DNMT3A: variants seen among roughly 807,000 people sequenced by gnomAD.
DNMT3A encodes DNA (cytosine-5)-methyltransferase 3A.
DNMT3A carries 267 observed loss-of-function variants against 117.6 expected under a neutral mutation model. The observed-to-expected ratio is 2.27, with a 90% CI of 2.05 to 2.51. The LOEUF is 2.51. Among genes scored for constraint, DNMT3A ranks in the 30% most tolerant of loss-of-function variants. The probability of loss-of-function intolerance (pLI) is 0.00; values close to 1 mark genes in which losing one functional copy is unlikely to be tolerated. For missense variants in DNMT3A, 1,029 were observed against 1,260.2 expected (o/e 0.82, Z 2.78); for synonymous variants, 432 against 474.8 (o/e 0.91, Z 1.17).
intron 2 of DNMT3A, among the ~76,000 whole-genome samples, chr2:25,312,226 C>T (rs953685031): frequency 2.0e-5 from 3 of 152,214 alleles, no homozygotes; most frequent in Non-Finnish European, 2.9e-5. Context: ...GCACAGACAG[C>T]GGCAGGTGTC....
At chr2:25,300,278 T>A (rs1313779932) in intron 2 of DNMT3A, 35 bp from the exon 3 acceptor site, 1 of 1,597,020 alleles carries the variant, frequency 6.3e-7, no homozygotes, top group South Asian at 1.1e-5. Context: ...AGGCCAGAGG[T>A]GGATCCCAGC....
intron 1 of DNMT3A, among the ~76,000 whole-genome samples, chr2:25,319,582 A>G (rs1573491434): frequency 6.6e-6 from 1 of 152,180 alleles, no homozygotes; most frequent in East Asian, 1.9e-4. Context: ...AGGGGAAAAG[A>G]GGCCGCATGC....
intron 1 of DNMT3A, among the ~76,000 whole-genome samples, chr2:25,341,527 C>G (rs1000941514): frequency 1.1e-3 from 152 of 143,338 alleles, no homozygotes; most frequent in African/African-American, 3.6e-3. Flanking sequence ...AACTTGAGCC[C>G]GGAGCCGGGC....
At chr2:25,314,743 C>T (rs1039983588) in intron 1 of DNMT3A, 21 of 979,268 alleles carry the variant, frequency 2.1e-5, no homozygotes, top group African/African-American at 5.4e-5. Context: ...GGAGAGGCCA[C>T]GGCCACGGCC....
chr2:25,333,676 G>T (rs1477590104), intron 1 of DNMT3A, among the ~76,000 whole-genome samples: 1 of 152,210 alleles, frequency 6.6e-6, no homozygotes, highest in African/African-American at 2.4e-5. Context: ...GAGCAGCAGG[G>T]CTTTGTGGGG....
rs1433190589 is a variant in DNMT3A at position 25,305,033 on chromosome 2, G to A, written c.73-4790C>T. Among the ~76,000 whole-genome samples, 2 of 152,210 alleles carry A rather than the reference G, an allele frequency of 1.3e-5. No individual in the cohort carries two copies. The highest frequency in any genetic ancestry group is 2.4e-5 in the African/African-American group (1 of 41,448). Reference sequence around the variant, plus strand: ...ATGCTGGCATCCAGAATGCCTAGACGGATGCATTTAGTCCAAGGCAGGCAC... The same window carrying A: ...ATGCTGGCATCCAGAATGCCTAGACAGATGCATTTAGTCCAAGGCAGGCAC... On this transcript the variant is annotated intron_variant, in intron 2 of 22. Coordinates refer to ENST00000321117, the MANE Select transcript of DNMT3A (RefSeq NM_022552.5). The surrounding 1 kb of genome is among the most constrained non-coding windows in gnomAD (Gnocchi z 4.1).
chr2:25,240,501 G>A (rs777711118), intron 18 of DNMT3A, 51 bp from the exon 19 acceptor site: 4 of 1,583,096 alleles, frequency 2.5e-6, no homozygotes, highest in Admixed American at 1.7e-5. Flanking sequence ...GCATAGGACA[G>A]TGGTGTGGCT....
At chr2:25,321,238 T>C (rs1291108044) in intron 1 of DNMT3A, among the ~76,000 whole-genome samples, 1 of 152,222 alleles carries the variant, frequency 6.6e-6, no homozygotes, top group Non-Finnish European at 1.5e-5. Flanking sequence ...CATTCTTTTC[T>C]GGAAACTCTA....
At chr2:25,309,913 G>T (rs938781653) in intron 2 of DNMT3A, among the ~76,000 whole-genome samples, 1 of 152,100 alleles carries the variant, frequency 6.6e-6, no homozygotes, top group African/African-American at 2.4e-5. Flanking sequence ...CAAAAAATTA[G>T]CTGGGCATGG....
At chr2:25,239,287 C>T (rs925667528) in intron 19 of DNMT3A, 72 bp from the exon 20 acceptor site, 7 of 1,415,250 alleles carry the variant, frequency 4.9e-6, no homozygotes, top group Admixed American at 3.8e-5. Flanking sequence ...CTGCTGGGGT[C>T]GAGCCTTAAA....
intron 1 of DNMT3A, among the ~76,000 whole-genome samples, chr2:25,336,145 G>A (rs1253418779): frequency 1.3e-5 from 2 of 152,210 alleles, no homozygotes; most frequent in African/African-American, 4.8e-5. Context: ...GTTCTTGCAG[G>A]GGGCTGCCAG....
rs2032989607 is a variant in DNMT3A at position 25,294,759 on chromosome 2, C to T, written c.177+5380G>A. Among the ~76,000 whole-genome samples, 2 of 152,186 alleles carry T rather than the reference C, an allele frequency of 1.3e-5. No individual in the cohort carries two copies. Among genetic ancestry groups the T allele is most frequent in the Non-Finnish European group, 2.9e-5 (2 of 68,024 alleles). On this transcript the variant is annotated intron_variant, in intron 3 of 22. Coordinates refer to ENST00000321117, the MANE Select transcript of DNMT3A (RefSeq NM_022552.5). This position sits in a 1 kb window ranked among gnomAD's most constrained non-coding sequence, Gnocchi z 4.7. Reference sequence around the variant, plus strand: ...CCTGACTTCCCCATTTAGGTTACCCCAAGTCATCTGCTCTGAAGTGGGGCA... The same window carrying T: ...CCTGACTTCCCCATTTAGGTTACCCTAAGTCATCTGCTCTGAAGTGGGGCA...
At chr2:25,235,631 A>G in intron 22 of DNMT3A, 76 bp downstream of exon 22, 1 of 1,171,446 alleles carries the variant, frequency 8.5e-7, no homozygotes, top group Non-Finnish European at 1.3e-6. Context: ...CAGGTGGGAA[A>G]GGCAGAGGAC....
intron 1 of DNMT3A, among the ~76,000 whole-genome samples, chr2:25,318,729 G>A (rs1382807016): frequency 1.6e-5 from 2 of 121,718 alleles, no homozygotes; most frequent in South Asian, 2.5e-4. Flanking sequence ...ATGGAGTCTC[G>A]CTCTGTCGCC....
intron 12 of DNMT3A, 83 bp from the exon 13 acceptor site, chr2:25,245,415 C>A: frequency 6.2e-6 from 8 of 1,289,842 alleles, no homozygotes; most frequent in Admixed American, 4.0e-5. Context: ...CCAGACCAGC[C>A]ACAAAAAAGG....
chr2:25,242,989 C>T (rs1246780059), intron 16 of DNMT3A, among the ~76,000 whole-genome samples: 2 of 152,102 alleles, frequency 1.3e-5, no homozygotes, highest in African/African-American at 4.8e-5. Flanking sequence ...CTCAATGGAA[C>T]CTTACGCAAC....
rs1377862445 is a variant in DNMT3A at position 25,241,542 on chromosome 2, G to A, written c.2082+20C>T. The A allele has an allele frequency of 1.9e-6, 3 of 1,603,776 alleles. No homozygotes were observed. The highest frequency in any genetic ancestry group is 1.3e-5 in the African/African-American group (1 of 74,474). The stretch of plus-strand genomic sequence containing the variant: ...GTGCAGGGAGGGGAAGACGGGCTGC[G>A]CCCCACAGCATGGACATACATGCTT... On this transcript the variant is annotated intron_variant, in intron 17 of 22. Transcript: ENST00000321117.
In DNMT3A at chr2:25,247,778, C is replaced by T. The variant is rs1675008472; in HGVS notation, c.856-29G>A. On this transcript the variant is annotated intron_variant, in intron 7 of 22. Transcript: ENST00000321117. This position sits in a 1 kb window ranked among gnomAD's most constrained non-coding sequence, Gnocchi z 5.6. The stretch of plus-strand genomic sequence containing the variant: ...GAGCCCCAAGGAGCAGAAATCATTA[C>T]ACAGTGGTCACGAGGCCCTGCCACC... 4 of 1,606,224 alleles carry T rather than the reference C, an allele frequency of 2.5e-6. No individual in the cohort carries two copies. The highest frequency in any genetic ancestry group is 1.3e-5 in the African/African-American group (1 of 74,856).
Position 25,309,930 on chromosome 2 carries a change from C to T in DNMT3A, c.72+3983G>A, listed in dbSNP as rs1006267009. Among the ~76,000 whole-genome samples the T allele has an allele frequency of 1.2e-4, 18 of 152,046 alleles. No individual in the cohort carries two copies. In the East Asian group the frequency reaches 1.9e-3, roughly 16 times the overall value. Reference sequence around the variant, plus strand: ...AAAAATTAGCTGGGCATGGCGGGCGCCTGTAGTCCCAGCTACTCAGGAGGC... The same window carrying T: ...AAAAATTAGCTGGGCATGGCGGGCGTCTGTAGTCCCAGCTACTCAGGAGGC... On this transcript the variant is annotated intron_variant, in intron 2 of 22. Coordinates refer to ENST00000321117, the MANE Select transcript of DNMT3A (RefSeq NM_022552.5).
Sources: gnomAD v4.1 joint callset for allele counts (sites outside exome capture counted in the v4.1 genomes callset) on GRCh38, gnomAD v4.1.1 for gene constraint, Gnocchi (gnomAD v3.1) non-coding constraint, MANE v1.5 for transcripts, NCBI Gene and HGNC (gene_info 2026-07-23, HGNC 2026-07-21) for gene names.